The following CNTN4 variants were observed in gnomAD, a reference collection of about 807,000 sequenced individuals.
The protein encoded by CNTN4 is contactin 4.
A neutral mutation model predicts 122.5 loss-of-function variants in CNTN4; 77 were observed. The observed-to-expected ratio is 0.63, with a 90% CI of 0.52 to 0.76. CNTN4 has a LOEUF of 0.76. Ranked by LOEUF, CNTN4 falls within the 30% of genes least tolerant of loss-of-function variation. The pLI is 0.00. For synonymous variants in CNTN4, 512 were observed against 447.0 expected, an observed-to-expected ratio of 1.15 and a Z score of -1.83; for missense variants, 1,256 against 1,259.1, an observed-to-expected ratio of 1.00 and a Z score of 0.04.
rs555020709 is a variant in CNTN4, at chr3:2,137,178, C to G, written c.-145+36539C>G. On this transcript the variant is annotated intron_variant, in intron 2 of 24. Coordinates refer to ENST00000418658, the MANE Select transcript of CNTN4 (RefSeq NM_175607.3). Reference sequence around the variant, plus strand: ...AAACTCTGGCCCTCATTTAAAATGGCTCCTTTAGACTGAGGTCATCTAGCT... The same window carrying G: ...AAACTCTGGCCCTCATTTAAAATGGGTCCTTTAGACTGAGGTCATCTAGCT... 3.0e-3 allele frequency among the ~76,000 whole-genome samples: 450 copies of G among 152,286 alleles called. 1 individual carries two copies. Among genetic ancestry groups the G allele is most frequent in the Non-Finnish European group, 4.6e-3 (316 of 68,018 alleles).
chr3:2,719,474 G>C (rs2087708071), intron 4 of CNTN4, among the ~76,000 whole-genome samples: 1 of 152,090 alleles, frequency 6.6e-6, no homozygotes, highest in African/African-American at 2.4e-5. Flanking sequence ...TTTTAGCAGA[G>C]ACAGGATTTC....
intron 3 of CNTN4, among the ~76,000 whole-genome samples, chr3:2,536,702 G>T (rs530862136): frequency 2.6e-5 from 4 of 151,722 alleles, no homozygotes; most frequent in Non-Finnish European, 5.9e-5. Context: ...GGGATTACAG[G>T]CATGAGCCAC....
chr3:2,823,900 A>C (rs997282511), intron 7 of CNTN4, among the ~76,000 whole-genome samples: 3 of 152,174 alleles, frequency 2.0e-5, no homozygotes, highest in African/African-American at 7.2e-5. Context: ...AAATTTGATA[A>C]AAAGGTAAAA....
intron 3 of CNTN4, among the ~76,000 whole-genome samples, chr3:2,455,888 G>A (rs1299025348): frequency 6.6e-6 from 1 of 152,000 alleles, no homozygotes; most frequent in Non-Finnish European, 1.5e-5. Context: ...TTCAAAACTT[G>A]CCTCTCTTCT....
intron 4 of CNTN4, among the ~76,000 whole-genome samples, chr3:2,699,025 A>G (rs1380675283): frequency 1.0e-4 from 1 of 9,944 alleles, no homozygotes; most frequent in Non-Finnish European, 2.5e-4. Flanking sequence ...CTCTGTCTTA[A>G]AAAAAAAAAA....
intron 1 of CNTN4, among the ~76,000 whole-genome samples, chr3:2,100,296 G>A (rs2031807471): frequency 6.6e-6 from 1 of 152,210 alleles, no homozygotes; most frequent in Non-Finnish European, 1.5e-5. Flanking sequence ...TAACTGCATG[G>A]GAAGCTCTTT....
intron 4 of CNTN4, among the ~76,000 whole-genome samples, chr3:2,710,774 T>G (rs916378899): frequency 3.0e-4 from 46 of 152,206 alleles, no homozygotes; most frequent in Admixed American, 2.2e-3. Context: ...GCTTTCTGAG[T>G]GATAGTTTAT....
At chr3:2,635,046 C>G (rs550556566) in intron 4 of CNTN4, among the ~76,000 whole-genome samples, 1 of 152,126 alleles carries the variant, frequency 6.6e-6, no homozygotes, top group East Asian at 1.9e-4. Context: ...ACAGATATCT[C>G]GGAACCATCT....
intron 2 of CNTN4, among the ~76,000 whole-genome samples, chr3:2,161,522 G>T (rs761627988): frequency 6.6e-6 from 1 of 152,138 alleles, no homozygotes; most frequent in Non-Finnish European, 1.5e-5. Flanking sequence ...TGGTGTGTCA[G>T]TGGAGGCAGA....
chr3:2,735,707 A>C (rs2089035783), intron 4 of CNTN4, among the ~76,000 whole-genome samples: 1 of 152,178 alleles, frequency 6.6e-6, no homozygotes, highest in Admixed American at 6.5e-5. Context: ...TTGCATACAT[A>C]GTCATTTTGA....
chr3:2,635,072 T>A (rs1214389307), intron 4 of CNTN4, among the ~76,000 whole-genome samples: 2 of 152,096 alleles, frequency 1.3e-5, no homozygotes, highest in Non-Finnish European at 2.9e-5. Flanking sequence ...AATTTGTAAG[T>A]TTTCATCGAA....
At chr3:2,298,596 T>G (rs543609615) in intron 2 of CNTN4, among the ~76,000 whole-genome samples, 1 of 152,324 alleles carries the variant, frequency 6.6e-6, no homozygotes, top group East Asian at 1.9e-4. Flanking sequence ...GAGAATGAAT[T>G]TCCATCTTTG....
chr3:2,278,607 A>G (rs1408710310), intron 2 of CNTN4, among the ~76,000 whole-genome samples: 1 of 152,190 alleles, frequency 6.6e-6, no homozygotes, highest in African/African-American at 2.4e-5. Context: ...GTAAGTTTTT[A>G]TGCTGTTCAA....
chr3:2,389,921 A>G (rs2040339854), intron 3 of CNTN4, among the ~76,000 whole-genome samples: 1 of 152,234 alleles, frequency 6.6e-6, no homozygotes, highest in African/African-American at 2.4e-5. Context: ...TGTCAAGAAC[A>G]TAAAAGATAA....
At chr3:2,826,400 G>A (rs563510810) in intron 7 of CNTN4, among the ~76,000 whole-genome samples, 4 of 152,264 alleles carry the variant, frequency 2.6e-5, no homozygotes, top group African/African-American at 7.2e-5. Context: ...GTAATTTTAC[G>A]TGGACATACC....
intron 4 of CNTN4, among the ~76,000 whole-genome samples, chr3:2,583,486 A>T (rs2080040496): frequency 6.6e-6 from 1 of 152,246 alleles, no homozygotes; most frequent in African/African-American, 2.4e-5. Context: ...GTTACATTAT[A>T]ACATGTCTAA....
chr3:2,740,448 G>T (rs1318616883), intron 5 of CNTN4, among the ~76,000 whole-genome samples: 1 of 152,070 alleles, frequency 6.6e-6, no homozygotes, highest in African/African-American at 2.4e-5. Flanking sequence ...TAACATACAT[G>T]ATAAAATTAT....
rs145260583 is a variant in CNTN4, at chr3:2,996,062, G to A, written c.1486+7590G>A. On this transcript the variant is annotated intron_variant, in intron 14 of 24. Coordinates refer to ENST00000418658, the MANE Select transcript of CNTN4 (RefSeq NM_175607.3). ...TATAAAATAATACCTTATAATGTTT[G>A]CATACAGAATACACATGCGGCATAA... Among the ~76,000 whole-genome samples the A allele has an allele frequency of 2.6e-4, 39 of 152,210 alleles. No homozygotes were observed. In the East Asian group the frequency reaches 4.8e-3, roughly 19 times the overall value.
At chr3:2,336,549 T>G (rs2043962857) in intron 2 of CNTN4, among the ~76,000 whole-genome samples, 1 of 152,298 alleles carries the variant, frequency 6.6e-6, no homozygotes, top group African/African-American at 2.4e-5. Flanking sequence ...CACAGAAAAC[T>G]TAGCTTCAGT....
Sources: gnomAD v4.1 joint callset for allele counts (sites outside exome capture counted in the v4.1 genomes callset) on GRCh38, gnomAD v4.1.1 for gene constraint, MANE v1.5 for transcripts, NCBI Gene and HGNC (gene_info 2026-07-23, HGNC 2026-07-21) for gene names.